Variants in DSCAML1 observed in about 807,000 individuals in gnomAD.
DSCAML1 encodes the protein cell adhesion molecule DSCAML1.
Under a neutral mutation model 200.5 loss-of-function variants are expected in DSCAML1, and 38 were observed. The ratio of observed to expected loss-of-function variants is 0.19; its 90% CI spans 0.15 to 0.25. The LOEUF (loss-of-function observed/expected upper bound fraction) is 0.25, where lower values mean the gene tolerates loss of function less well. Ranked by LOEUF, DSCAML1 falls within the 10% of genes least tolerant of loss-of-function variation. The pLI is 1.00. For synonymous variants in DSCAML1, 1,215 were observed against 1,165.0 expected (o/e 1.04, Z -0.87); for missense variants, 2,223 against 2,858.8 (o/e 0.78, Z 5.07).
At chr11:117,655,096 C>T (rs2052706908) in intron 3 of DSCAML1, among the ~76,000 whole-genome samples, 4 of 152,368 alleles carry the variant, frequency 2.6e-5, no homozygotes, top group Admixed American at 6.5e-5. Flanking sequence ...GTGAGCCTTG[C>T]AGCCGCCCCT....
intron 3 of DSCAML1, among the ~76,000 whole-genome samples, chr11:117,759,750 C>G (rs2054766200): frequency 6.6e-6 from 1 of 150,678 alleles, no homozygotes; most frequent in African/African-American, 2.4e-5. Context: ...AAAAGAAGGC[C>G]TCGCAGCCCC....
At chr11:117,507,279 A>G (rs1412306762) in intron 8 of DSCAML1, among the ~76,000 whole-genome samples, 2 of 152,194 alleles carry the variant, frequency 1.3e-5, no homozygotes, top group African/African-American at 2.4e-5. Context: ...GCCTTCTCCC[A>G]GGCACCAGCC....
intron 8 of DSCAML1, among the ~76,000 whole-genome samples, chr11:117,514,616 C>T (rs1271789083): frequency 2.1e-5 from 2 of 96,190 alleles, no homozygotes; most frequent in African/African-American, 4.1e-5. Flanking sequence ...GAGTTTCACT[C>T]TTGTTGCCTA....
At chr11:117,497,584 T>TG (rs141897289) in intron 11 of DSCAML1, among the ~76,000 whole-genome samples, 4,226 of 152,354 alleles carry the variant, frequency 0.028, 111 homozygotes, top group East Asian at 0.1. Context: ...ATCATTGCCA[T>TG]GGAAATCATC....
Position 117,516,374 on chromosome 11 carries a change from T to G in DSCAML1, c.1783+93A>C. 2 of 1,475,318 alleles carry G rather than the reference T, an allele frequency of 1.4e-6. No individual in the cohort carries two copies. The highest frequency in any genetic ancestry group is 9.2e-7 in the Non-Finnish European group (1 of 1,091,590). The allele number at this position is 1,475,318 out of a possible 1,614,324, so 91.4% of individuals were successfully genotyped here. A position where few individuals can be genotyped will look rare whatever the true frequency, so the allele number is the denominator to read the frequency against. The stretch of plus-strand genomic sequence containing the variant: ...TGCTCAGCCTTCCGTTCACCCAGGA[T>G]TGCCTATTGTTGTCTGAGTCCCAGC... On this transcript the variant is annotated intron_variant, in intron 8 of 32. Transcript: ENST00000651296. This position sits in a 1 kb window ranked among gnomAD's most constrained non-coding sequence, Gnocchi z 5.7.
At chr11:117,803,085 T>C (rs949531249) in intron 1 of DSCAML1, among the ~76,000 whole-genome samples, 2 of 151,846 alleles carry the variant, frequency 1.3e-5, no homozygotes, top group African/African-American at 2.4e-5. Flanking sequence ...GACTCTGGCT[T>C]GGGATTGGTG....
intron 3 of DSCAML1, among the ~76,000 whole-genome samples, chr11:117,728,108 A>T (rs932580676): frequency 6.6e-6 from 1 of 152,218 alleles, no homozygotes; most frequent in Non-Finnish European, 1.5e-5. Flanking sequence ...TATCCCAGGA[A>T]TGCAAAGCTG....
At position 117,469,141 on chromosome 11, in the gene DSCAML1, C is replaced by T. The variant is rs1413318677; in HGVS notation, c.3024+769G>A. ...GCCACCTCACATCTTGTCTCCATGG[C>T]CTCCTCTGGTGGAAGGGGATAAAAG... On this transcript the variant is annotated intron_variant, in intron 16 of 32. Transcript: ENST00000651296. The surrounding 1 kb of genome is among the most constrained non-coding windows in gnomAD (Gnocchi z 4.1). Among the ~76,000 whole-genome samples the T allele has an allele frequency of 6.6e-6, 1 of 152,182 alleles. No individual in the cohort carries two copies. The highest frequency in any genetic ancestry group is 1.9e-4 in the East Asian group (1 of 5,198).
chr11:117,601,603 C>T (rs2051467617), intron 3 of DSCAML1, among the ~76,000 whole-genome samples: 1 of 152,126 alleles, frequency 6.6e-6, no homozygotes, highest in African/African-American at 2.4e-5. Flanking sequence ...ATGCAAATAC[C>T]CCTGAGAGAG....
chr11:117,508,523 A>C (rs2049553048), intron 8 of DSCAML1, among the ~76,000 whole-genome samples: 1 of 147,596 alleles, frequency 6.8e-6, no homozygotes, highest in African/African-American at 2.5e-5. Context: ...CAAGCACAGG[A>C]TGGGGGCTCA....
At chr11:117,465,795 T>G (rs1327870178) in intron 16 of DSCAML1, among the ~76,000 whole-genome samples, 1 of 152,048 alleles carries the variant, frequency 6.6e-6, no homozygotes, top group Non-Finnish European at 1.5e-5. Flanking sequence ...GGGATATCAT[T>G]TGGCATGGGT....
intron 8 of DSCAML1, among the ~76,000 whole-genome samples, chr11:117,512,310 C>G (rs1306287652): frequency 6.6e-6 from 1 of 152,170 alleles, no homozygotes; most frequent in Admixed American, 6.5e-5. Flanking sequence ...GTCAGGGCCC[C>G]CGCCATGCCC....
intron 3 of DSCAML1, among the ~76,000 whole-genome samples, chr11:117,717,318 G>A (rs2053967578): frequency 1.3e-5 from 2 of 152,100 alleles, no homozygotes; most frequent in South Asian, 2.1e-4. Context: ...ACCCTCGAAG[G>A]CCACCTCCTT....
At chr11:117,788,054 A>G (rs1249739579) in intron 1 of DSCAML1, among the ~76,000 whole-genome samples, 1 of 152,164 alleles carries the variant, frequency 6.6e-6, no homozygotes, top group Admixed American at 6.5e-5. Context: ...CTGCTTCACT[A>G]AAAACCCTTT....
At chr11:117,452,695 T>C (rs1203730633) in intron 19 of DSCAML1, among the ~76,000 whole-genome samples, 1 of 152,070 alleles carries the variant, frequency 6.6e-6, no homozygotes, top group African/African-American at 2.4e-5. Flanking sequence ...TTTTCTTTTC[T>C]TTTGTGGCTT....
chr11:117,646,532 C>T (rs1485382663), intron 3 of DSCAML1, among the ~76,000 whole-genome samples: 2 of 152,168 alleles, frequency 1.3e-5, no homozygotes, highest in Non-Finnish European at 2.9e-5. Flanking sequence ...TGTTTCTTAC[C>T]TCTTAGCTTT....
In DSCAML1 at chr11:117,439,850, G is replaced by A; in HGVS notation, c.3949C>T (p.Pro1317Ser). 2 of 1,614,164 alleles carry A rather than the reference G, an allele frequency of 1.2e-6. No individual in the cohort carries two copies. Among genetic ancestry groups the A allele is most frequent in the Non-Finnish European group, 1.7e-6 (2 of 1,180,030 alleles). The change falls in exon 22 of 33, where the codon CCA (proline) becomes TCA (serine). Residue 1317 changes from proline to serine, a missense_variant. Transcript: ENST00000651296. ...TTGGTCCACTTCACAGCAGGGGCTGGATCTCCCACTGAATTGCAAGGCAGC... is the reference window on the plus strand; with the variant it reads ...TTGGTCCACTTCACAGCAGGGGCTGAATCTCCCACTGAATTGCAAGGCAGC... ...VRLPCNSVGD[P>S]APAVKWTKDS...
chr11:117,716,033 G>T (rs923210496), intron 3 of DSCAML1, among the ~76,000 whole-genome samples: 5 of 152,244 alleles, frequency 3.3e-5, no homozygotes, highest in African/African-American at 1.2e-4. Context: ...AGCATTAGCA[G>T]CGATTTATCA....
At chr11:117,476,472 G>C (rs1248710696) in intron 14 of DSCAML1, among the ~76,000 whole-genome samples, 2 of 152,138 alleles carry the variant, frequency 1.3e-5, no homozygotes, top group African/African-American at 4.8e-5. Context: ...CAGTCCCTCT[G>C]ACAGCCACAC....
Sources: gnomAD v4.1 joint callset for allele counts (sites outside exome capture counted in the v4.1 genomes callset) on GRCh38, gnomAD v4.1.1 for gene constraint, Gnocchi (gnomAD v3.1) non-coding constraint, MANE v1.5 for transcripts, NCBI Gene and HGNC (gene_info 2026-07-23, HGNC 2026-07-21) for gene names.